MYO18B: variants seen among roughly 807,000 people sequenced by gnomAD.
MYO18B encodes the protein unconventional myosin-XVIIIb.
In MYO18B, 204 loss-of-function variants were observed where a neutral mutation model predicts 273.0. The observed-to-expected ratio is 0.75, with a 90% CI of 0.67 to 0.84. MYO18B has a LOEUF of 0.84. MYO18B is among the 40% of genes least tolerant of loss of function. The pLI is 0.00. For missense variants in MYO18B, 3,212 were observed against 3,287.6 expected (o/e 0.98, Z 0.56); for synonymous variants, 1,330 against 1,305.7 (o/e 1.02, Z -0.40).
Position 25,851,478 on chromosome 22 carries a change from G to C in MYO18B, c.3784G>C (p.Asp1262His). 3 of 1,555,100 alleles carry C rather than the reference G, an allele frequency of 1.9e-6. No individual in the cohort carries two copies. The highest frequency in any genetic ancestry group is 2.6e-6 in the Non-Finnish European group (3 of 1,148,874). ...ALRLHRTGYA[D>H]HMGLTRFRRQ... is the part of the protein sequence containing the mutation. ...TGCTCCTACCTCCCTAGGCTATGCTGACCACATGGGGCTCACTCGCTTCCG... is the reference window on the plus strand; with the variant it reads ...TGCTCCTACCTCCCTAGGCTATGCTCACCACATGGGGCTCACTCGCTTCCG... The change falls in exon 21 of 44, where the codon GAC becomes CAC. Residue 1262 changes from aspartate (D) to histidine (H), a missense_variant. Coordinates refer to ENST00000335473, the MANE Select transcript of MYO18B (RefSeq NM_032608.7).
At chr22:26,036,931 C>G in the MYO18B span, among the ~76,000 whole-genome samples, 1 of 152,178 alleles carries the variant, frequency 6.6e-6, no homozygotes, top group Non-Finnish European at 1.5e-5. Context: ...TGACTTTTCC[C>G]CATACCAGCC....
chr22:25,986,038 C>T (rs9613063), intron 39 of MYO18B, among the ~76,000 whole-genome samples: 20,592 of 152,220 alleles, frequency 0.14, 1,535 homozygotes, highest in Middle Eastern at 0.19. Flanking sequence ...TTCCTCATAG[C>T]CTTTCTTTCT....
chr22:25,923,687 A>G (rs1265087375), intron 34 of MYO18B, among the ~76,000 whole-genome samples: 7 of 152,176 alleles, frequency 4.6e-5, no homozygotes, highest in Non-Finnish European at 8.8e-5. Flanking sequence ...CTAGGTAGGC[A>G]GAGTTGCTGT....
intron 34 of MYO18B, among the ~76,000 whole-genome samples, chr22:25,934,042 G>T (rs1032318948): frequency 6.6e-6 from 1 of 152,208 alleles, no homozygotes; most frequent in African/African-American, 2.4e-5. Flanking sequence ...CCGAGGGAAG[G>T]AGAATATTTT....
intron 12 of MYO18B, among the ~76,000 whole-genome samples, chr22:25,805,495 C>T (rs1052610553): frequency 2.0e-5 from 3 of 152,196 alleles, no homozygotes; most frequent in Admixed American, 6.5e-5. Context: ...CTTATGATCA[C>T]GTCACCCAAT....
chr22:25,805,701 C>A (rs925000421), intron 12 of MYO18B, among the ~76,000 whole-genome samples: 1 of 152,222 alleles, frequency 6.6e-6, no homozygotes, highest in Non-Finnish European at 1.5e-5. Flanking sequence ...CTGGTCTGGT[C>A]CCTGCCCACC....
intron 27 of MYO18B, among the ~76,000 whole-genome samples, chr22:25,894,335 T>C (rs1352741291): frequency 6.6e-6 from 1 of 152,198 alleles, no homozygotes; most frequent in African/African-American, 2.4e-5. Flanking sequence ...GATGGATGGA[T>C]GGATGATAGA....
chr22:25,807,352 G>C (rs2088525371), intron 12 of MYO18B, among the ~76,000 whole-genome samples: 1 of 152,214 alleles, frequency 6.6e-6, no homozygotes, highest in Non-Finnish European at 1.5e-5. Flanking sequence ...TTCCAGCACT[G>C]GCTGGCTTTG....
chr22:25,900,503 G>A (rs930592316), intron 29 of MYO18B: 1 of 152,360 alleles, frequency 6.6e-6, no homozygotes, highest in Non-Finnish European at 1.5e-5. Context: ...GAGTGGCCTG[G>A]GATGGTTTCA....
At chr22:25,754,510 G>A (rs148350372) in intron 1 of MYO18B, among the ~76,000 whole-genome samples, 14 of 152,276 alleles carry the variant, frequency 9.2e-5, no homozygotes, top group African/African-American at 3.4e-4. Context: ...GTATGTGTAC[G>A]CGGAAAACAG....
chr22:25,783,943 C>T (rs531032455), intron 10 of MYO18B, among the ~76,000 whole-genome samples: 38 of 152,338 alleles, frequency 2.5e-4, no homozygotes, highest in Admixed American at 1.4e-3. Context: ...CAACTTGGTC[C>T]GTCACCCATA....
the MYO18B span, among the ~76,000 whole-genome samples, chr22:26,047,788 CT>C: frequency 6.6e-6 from 1 of 151,988 alleles, no homozygotes; most frequent in Admixed American, 6.5e-5. Flanking sequence ...TATTTATATT[CT>C]TTTGAATATC....
Position 25,776,545 on chromosome 22 carries a change from T to C in MYO18B, c.1870-1038T>C, listed in dbSNP as rs577781879. ...CTGGGAGGTGGAGGTTGCAGTGAGCTGAGATCGTGCCATTGTACTCCAGCC... is the reference window on the plus strand; with the variant it reads ...CTGGGAGGTGGAGGTTGCAGTGAGCCGAGATCGTGCCATTGTACTCCAGCC... On this transcript the variant is annotated intron_variant, in intron 7 of 43. Coordinates refer to ENST00000335473, the MANE Select transcript of MYO18B (RefSeq NM_032608.7). 8.0e-3 allele frequency among the ~76,000 whole-genome samples: 1,211 copies of C among 152,244 alleles called. 19 individuals are homozygous for C. Among genetic ancestry groups the C allele is most frequent in the African/African-American group, 0.028 (1,158 of 41,530 alleles).
the MYO18B span, among the ~76,000 whole-genome samples, chr22:26,051,258 C>G: frequency 3.3e-5 from 4 of 121,972 alleles, no homozygotes; most frequent in South Asian, 1.1e-3. Flanking sequence ...GAGTCTCGCT[C>G]TGTTGCCCAG....
chr22:25,763,026 C>A, intron 2 of MYO18B: 1 of 748,966 alleles, frequency 1.3e-6, no homozygotes, highest in South Asian at 1.4e-5. Flanking sequence ...TCCTGGCTGC[C>A]CCTGTGTTCC....
At position 25,989,626 on chromosome 22, in the gene MYO18B, CAA is replaced by C. The variant is rs56004208; in HGVS notation, c.6157-2712_6157-2711del. Among the ~76,000 whole-genome samples the C allele has an allele frequency of 4.2e-3, 373 of 88,572 alleles. 1 individual carries two copies. The highest frequency in any genetic ancestry group is 0.017 in the African/African-American group (343 of 19,976). The allele number at this position is 88,572 out of a possible 152,430, so 58.1% of individuals were successfully genotyped here. ...TGAAACCCTGTCTCTACTAAAAATA[CAA>C]AAAAAAAAAAAAAAAAAAAAAAAAG... On this transcript the variant is annotated intron_variant, in intron 39 of 43. Transcript: ENST00000335473.
At chr22:26,015,802 A>C (rs12484097) in intron 42 of MYO18B, among the ~76,000 whole-genome samples, 14,703 of 152,196 alleles carry the variant, frequency 0.097, 851 homozygotes, top group South Asian at 0.19. Flanking sequence ...TGAACTTAAA[A>C]GTTTTTTTTC....
chr22:25,856,112 A>G (rs534728426), intron 21 of MYO18B, among the ~76,000 whole-genome samples: 4 of 152,176 alleles, frequency 2.6e-5, no homozygotes, highest in African/African-American at 4.8e-5. Flanking sequence ...ATGAGCTGCC[A>G]TACAGTTTTT....
At chr22:26,033,823 CCCTT>C (rs1175719972), downstream of MYO18B, among the ~76,000 whole-genome samples, 2 of 105,716 alleles carry the variant, frequency 1.9e-5, no homozygotes, top group Non-Finnish European at 3.5e-5. Flanking sequence ...TTCTCTTCCT[CCCTT>C]CCTTCTTTCT....
Sources: gnomAD v4.1 joint callset for allele counts (sites outside exome capture counted in the v4.1 genomes callset) on GRCh38, gnomAD v4.1.1 for gene constraint, MANE v1.5 for transcripts, NCBI Gene and HGNC (gene_info 2026-07-23, HGNC 2026-07-21) for gene names.